The following SLC26A9 variants were observed in gnomAD, a reference collection of about 807,000 sequenced individuals.
SLC26A9 encodes the protein anion transporter/exchanger protein 9.
A neutral mutation model predicts 87.1 loss-of-function variants in SLC26A9; 46 were observed. The observed-to-expected ratio is 0.53, with a 90% CI of 0.42 to 0.67. SLC26A9 has a LOEUF of 0.67. SLC26A9 is among the 30% of genes least tolerant of loss of function. The pLI is 0.00. For missense variants in SLC26A9, 927 were observed against 1,018.3 expected (o/e 0.91, Z 1.22); for synonymous variants, 437 against 409.1 (o/e 1.07, Z -0.82).
At position 205,913,256 on chromosome 1, in the gene SLC26A9, A is replaced by T. The variant is rs1463408641; in HGVS notation, c.*2101T>A. 1 of 152,218 alleles carries T rather than the reference A, an allele frequency of 6.6e-6. No individual in the cohort carries two copies. Among genetic ancestry groups the T allele is most frequent in the African/African-American group, 2.4e-5 (1 of 41,444 alleles). The allele number at this position is 152,218 out of a possible 1,614,324, so 9.4% of individuals were successfully genotyped here. ...CTTTGCCTCCATCTTTCCTGCTTCAACCAGGTCCAGAAGAGTGTTCTTTTC... is the reference window on the plus strand; with the variant it reads ...CTTTGCCTCCATCTTTCCTGCTTCATCCAGGTCCAGAAGAGTGTTCTTTTC... On this transcript the variant is annotated 3_prime_UTR_variant, in exon 21 of 21. Transcript: ENST00000367135.
chr1:205,927,790 A>C (rs1435033559), intron 9 of SLC26A9, 112 bp downstream of exon 9: 1 of 1,530,468 alleles, frequency 6.5e-7, no homozygotes, highest in Non-Finnish European at 8.8e-7. Context: ...TATCCCCCAC[A>C]CTCGAGGCAG....
chr1:205,920,148 C>T, intron 18 of SLC26A9, 28 bp downstream of exon 18: 1 of 1,613,394 alleles, frequency 6.2e-7, no homozygotes, highest in Non-Finnish European at 8.5e-7. Flanking sequence ...GCCAGTCTTT[C>T]AGTCCCTAAA....
Position 205,933,051 on chromosome 1 carries a change from A to G in SLC26A9, c.159T>C (p.Phe53=), listed in dbSNP as rs767495046. ...CSSAKIKAVV[F]GLLPVLSWLP... ...GCCAGGAGAGCACAGGCAGCAGCCCAAACACCACAGCTTTGATCTTGGCTG... is the reference window on the plus strand; with the variant it reads ...GCCAGGAGAGCACAGGCAGCAGCCCGAACACCACAGCTTTGATCTTGGCTG... The change falls in exon 3 of 21, where the codon TTT becomes TTC. Residue 53 remains phenylalanine (F), a synonymous_variant. Transcript: ENST00000367135. The G allele has an allele frequency of 6.2e-7, 1 of 1,614,224 alleles. No individual in the cohort carries two copies. The highest frequency in any genetic ancestry group is 1.7e-5 in the Admixed American group (1 of 60,028).
In SLC26A9 at chr1:205,915,415, C is replaced by T. The variant is rs534339381; in HGVS notation, c.2329-11G>A. The T allele has an allele frequency of 6.2e-7, 1 of 1,613,910 alleles. No individual in the cohort carries two copies. Among genetic ancestry groups the T allele is most frequent in the South Asian group, 1.1e-5 (1 of 91,054 alleles). ...GCTCCCGAACATCTCCTGCAGGAAC[C>T]ACAGGAAGGAAGTGGGAGGGGAAGA... On this transcript the variant is annotated splice_polypyrimidine_tract_variant and intron_variant, in intron 20 of 20. Coordinates refer to ENST00000367135, the MANE Select transcript of SLC26A9 (RefSeq NM_052934.4).
rs1340323842 is a variant in SLC26A9, at chr1:205,932,829, G to A, written c.266-17C>T. On this transcript the variant is annotated splice_polypyrimidine_tract_variant and intron_variant, in intron 3 of 20. Transcript: ENST00000367135. ...ATGCCATGCCTGCAGAGGACAACGA[G>A]ACTGAAGCTCAGCAGCATGACTAGC... 1 of 1,591,138 alleles carries A rather than the reference G, an allele frequency of 6.3e-7. No homozygotes were observed. Among genetic ancestry groups the A allele is most frequent in the African/African-American group, 1.3e-5 (1 of 74,650 alleles).
Position 205,917,276 on chromosome 1 carries a change from A to G in SLC26A9, c.2328+7T>C. 5 of 1,613,710 alleles carry G rather than the reference A, an allele frequency of 3.1e-6. No homozygotes were observed. Among genetic ancestry groups the G allele is most frequent in the Non-Finnish European group, 2.5e-6 (3 of 1,179,902 alleles). On this transcript the variant is annotated splice_region_variant and intron_variant, in intron 20 of 20. Transcript: ENST00000367135. ...TCCCACCCTCACAGCCCCTTCCCTC[A>G]GCTCACCTGCTCTAAGTCCCAGTAG... is the stretch of plus-strand genomic sequence containing the variant.
At chr1:205,917,148 A>G (rs972177713) in intron 20 of SLC26A9, 135 bp downstream of exon 20, 10 of 717,730 alleles carry the variant, frequency 1.4e-5, no homozygotes, top group Non-Finnish European at 2.1e-5. Context: ...GATGACCACA[A>G]ATCTTTGTGG....
rs184447969 is a variant in SLC26A9, at chr1:205,942,033, G to T, written c.-19+1332C>A. ...AAGTAGTGACCCCACAGCCCCCAAA[G>T]CTTGGTCAGTGTTGAGCTGGTCCTC... On this transcript the variant is annotated intron_variant, in intron 1 of 20. Transcript: ENST00000367135. Among the ~76,000 whole-genome samples the T allele has an allele frequency of 8.4e-4, 128 of 152,294 alleles. 1 individual carries two copies. The highest frequency in any genetic ancestry group is 3.0e-3 in the African/African-American group (125 of 41,582).
At chr1:205,917,107 A>G (rs1658624079) in intron 20 of SLC26A9, among the ~76,000 whole-genome samples, 176 bp downstream of exon 20, 1 of 149,236 alleles carries the variant, frequency 6.7e-6, no homozygotes, top group Admixed American at 6.7e-5. Flanking sequence ...TAAAAAAAAA[A>G]AAAAAAGAAA....
At chr1:205,925,806 C>T (rs1054548719) in intron 12 of SLC26A9, among the ~76,000 whole-genome samples, 5 of 152,238 alleles carry the variant, frequency 3.3e-5, no homozygotes, top group Admixed American at 1.3e-4. Context: ...TAAATCCTCT[C>T]CCATAGGTTA....
At chr1:205,917,839 T>A (rs1658659515) in intron 19 of SLC26A9, among the ~76,000 whole-genome samples, 1 of 152,166 alleles carries the variant, frequency 6.6e-6, no homozygotes, top group Admixed American at 6.5e-5. Flanking sequence ...CTATGACTAA[T>A]CAAGTATACA....
Position 205,932,827 on chromosome 1 carries a change from G to T in SLC26A9, c.266-15C>A. On this transcript the variant is annotated splice_polypyrimidine_tract_variant and intron_variant, in intron 3 of 20. Transcript: ENST00000367135. ...AAATGCCATGCCTGCAGAGGACAAC[G>T]AGACTGAAGCTCAGCAGCATGACTA... The T allele has an allele frequency of 6.3e-7, 1 of 1,591,144 alleles. No individual in the cohort carries two copies. Among genetic ancestry groups the T allele is most frequent in the South Asian group, 1.2e-5 (1 of 86,536 alleles).
chr1:205,934,212 A>G (rs780164312), intron 2 of SLC26A9, among the ~76,000 whole-genome samples: 4 of 152,218 alleles, frequency 2.6e-5, no homozygotes, highest in Non-Finnish European at 5.9e-5. Flanking sequence ...TAACACTCCA[A>G]GAAAAAGCAT....
At position 205,918,882 on chromosome 1, in the gene SLC26A9, C is replaced by T; in HGVS notation, c.2214G>A (p.Gln738=). Residue 738 remains glutamine (Q), a synonymous_variant, in exon 19 of 21, where the codon CAG becomes CAA. Coordinates refer to ENST00000367135, the MANE Select transcript of SLC26A9 (RefSeq NM_052934.4). The stretch of plus-strand genomic sequence containing the variant: ...CTGGGGTCACGTCTCTAGCATTTGC[C>T]TGGGCAAAGAGGACTGCGTCATGTA... The part of the protein sequence containing the change: ...PSIHDAVLFA[Q]ANARDVTPGH... 1 of 1,614,192 alleles carries T rather than the reference C, an allele frequency of 6.2e-7. No homozygotes were observed. Among genetic ancestry groups the T allele is most frequent in the Non-Finnish European group, 8.5e-7 (1 of 1,180,020 alleles).
chr1:205,932,597 C>A (rs1225116709), intron 4 of SLC26A9, 105 bp downstream of exon 4: 2 of 957,250 alleles, frequency 2.1e-6, no homozygotes, highest in Admixed American at 5.2e-5. Flanking sequence ...TGACCAGGAA[C>A]AACTCCAGGA....
rs777231294 is a variant in SLC26A9, at chr1:205,921,560, C to T, written c.2055+6G>A. On this transcript the variant is annotated splice_donor_region_variant and intron_variant, in intron 17 of 20. Transcript: ENST00000367135. ...GGGTGGTGCTTGCTGTTCCCGAGGG[C>T]CTCACCTTGGCCAGGGCCTTGATGC... 9.3e-6 allele frequency: 15 copies of T among 1,604,702 alleles called. No homozygotes were observed. Among genetic ancestry groups the T allele is most frequent in the Non-Finnish European group, 1.3e-5 (15 of 1,178,322 alleles).
intron 19 of SLC26A9, among the ~76,000 whole-genome samples, chr1:205,918,003 G>A (rs1433849151): frequency 2.0e-5 from 3 of 152,144 alleles, no homozygotes; most frequent in Non-Finnish European, 4.4e-5. Flanking sequence ...AGGAGCCAGC[G>A]CCCTGTGTGT....
intron 5 of SLC26A9, among the ~76,000 whole-genome samples, chr1:205,930,725 C>G (rs578230117): frequency 2.0e-5 from 3 of 152,184 alleles, no homozygotes; most frequent in Non-Finnish European, 2.9e-5. Context: ...ACTTTGCCTG[C>G]GCAGATCACA....
chr1:205,936,809 G>A (rs1035434692), intron 1 of SLC26A9, among the ~76,000 whole-genome samples: 1 of 152,192 alleles, frequency 6.6e-6, no homozygotes, highest in Non-Finnish European at 1.5e-5. Flanking sequence ...GGTTGAAAAT[G>A]AGTAACTACT....
Sources: gnomAD v4.1 joint callset for allele counts (sites outside exome capture counted in the v4.1 genomes callset) on GRCh38, gnomAD v4.1.1 for gene constraint, MANE v1.5 for transcripts, NCBI Gene and HGNC (gene_info 2026-07-23, HGNC 2026-07-21) for gene names.